RBMS3: variants seen among roughly 807,000 people sequenced by gnomAD.
RBMS3 encodes RNA binding motif single stranded interacting protein 3, also known as RNA-binding motif, single-stranded-interacting protein 3.
RBMS3 carries 27 observed loss-of-function variants against 66.8 expected under a neutral mutation model. The observed-to-expected ratio is 0.40, with a 90% CI of 0.30 to 0.56. RBMS3 has a LOEUF of 0.56. Among genes scored for constraint, RBMS3 ranks in the 20% least tolerant of loss-of-function variants. The pLI is 0.40. For missense variants in RBMS3, 513 were observed against 549.5 expected, an observed-to-expected ratio of 0.93 and a Z score of 0.66; for synonymous variants, 188 against 183.0, an observed-to-expected ratio of 1.03 and a Z score of -0.22.
intron 2 of RBMS3, among the ~76,000 whole-genome samples, chr3:29,464,334 G>C (rs1275310376): frequency 1.3e-5 from 2 of 152,078 alleles, no homozygotes; most frequent in Admixed American, 6.6e-5. Context: ...CCGACTGCAG[G>C]GTGTTTAGTT....
chr3:29,599,605 A>G (rs1313438901), intron 4 of RBMS3, among the ~76,000 whole-genome samples: 1 of 152,086 alleles, frequency 6.6e-6, no homozygotes, highest in East Asian at 1.9e-4. Flanking sequence ...ATCAACATGA[A>G]AAGACACACG....
At chr3:29,569,278 A>T (rs970432357) in intron 3 of RBMS3, among the ~76,000 whole-genome samples, 6 of 152,118 alleles carry the variant, frequency 3.9e-5, no homozygotes, top group Admixed American at 2.0e-4. Context: ...TGTTTTCCTT[A>T]TACAATTAGG....
chr3:29,637,403 G>A (rs1440507), intron 4 of RBMS3, among the ~76,000 whole-genome samples: 11,924 of 151,704 alleles, frequency 0.079, 826 homozygotes, highest in East Asian at 0.35. Flanking sequence ...TTGGTTAAAG[G>A]GAAATGAAAG....
At chr3:29,800,604 C>T (rs1450264812) in intron 6 of RBMS3, among the ~76,000 whole-genome samples, 1 of 152,126 alleles carries the variant, frequency 6.6e-6, no homozygotes, top group Non-Finnish European at 1.5e-5. Flanking sequence ...TATGCTATTA[C>T]ACATATTTTT....
intron 4 of RBMS3, among the ~76,000 whole-genome samples, chr3:29,618,232 A>T (rs1457651): frequency 0.3 from 45,962 of 152,034 alleles, 7,724 homozygotes; most frequent in African/African-American, 0.45. Context: ...CAATGGCTCA[A>T]GCCTGTAATC....
intron 4 of RBMS3, among the ~76,000 whole-genome samples, chr3:29,726,834 T>G (rs897074435): frequency 1.3e-5 from 2 of 152,196 alleles, no homozygotes; most frequent in Non-Finnish European, 2.9e-5. Flanking sequence ...AAGCTACGAT[T>G]GACTTTCTTT....
intron 1 of RBMS3, among the ~76,000 whole-genome samples, chr3:29,287,635 G>A (rs368171935): frequency 1.1e-4 from 17 of 151,982 alleles, no homozygotes; most frequent in Admixed American, 5.2e-4. Context: ...AGATGTTATC[G>A]TAAAGAGGTG....
chr3:29,282,810 G>C (rs1013045316), intron 1 of RBMS3, among the ~76,000 whole-genome samples: 1 of 152,242 alleles, frequency 6.6e-6, no homozygotes, highest in South Asian at 2.1e-4. Flanking sequence ...GATGTGATTA[G>C]GGTTAGGTAA....
intron 4 of RBMS3, among the ~76,000 whole-genome samples, chr3:29,631,525 A>G (rs950867823): frequency 1.3e-5 from 2 of 151,872 alleles, no homozygotes; most frequent in Non-Finnish European, 2.9e-5. Context: ...TTATTTTTCA[A>G]TAGTTTTAGA....
intron 1 of RBMS3, among the ~76,000 whole-genome samples, chr3:29,402,462 T>C (rs2039851938): frequency 6.6e-6 from 1 of 151,896 alleles, no homozygotes; most frequent in Non-Finnish European, 1.5e-5. Flanking sequence ...AGCAGTGATG[T>C]AGGTTTTTAC....
At chr3:29,434,604 T>G in intron 1 of RBMS3, 139 bp from the exon 2 acceptor site, 2 of 1,165,924 alleles carry the variant, frequency 1.7e-6, no homozygotes, top group Non-Finnish European at 1.2e-6. Flanking sequence ...CAACAGAGAG[T>G]AGTGATATAA....
chr3:29,887,220 A>G (rs1559769744), intron 8 of RBMS3, among the ~76,000 whole-genome samples: 2 of 151,918 alleles, frequency 1.3e-5, no homozygotes, highest in East Asian at 3.9e-4. Context: ...AGAGAGAAAC[A>G]AAAGTGACCC....
chr3:29,839,117 C>A (rs897909612), intron 6 of RBMS3, among the ~76,000 whole-genome samples: 3 of 151,980 alleles, frequency 2.0e-5, no homozygotes, highest in Admixed American at 1.3e-4. Flanking sequence ...CAAGGTAGCG[C>A]CAGTCTTCAT....
intron 6 of RBMS3, among the ~76,000 whole-genome samples, chr3:29,773,197 C>G (rs975728470): frequency 2.0e-5 from 3 of 151,954 alleles, no homozygotes; most frequent in Non-Finnish European, 4.4e-5. Context: ...TGCTCACACC[C>G]CTACTCATTG....
chr3:29,711,346 T>C (rs988367565), intron 4 of RBMS3, among the ~76,000 whole-genome samples: 1 of 152,118 alleles, frequency 6.6e-6, no homozygotes, highest in African/African-American at 2.4e-5. Flanking sequence ...CTTAGACTGT[T>C]CCTGGAAATG....
chr3:29,940,944 C>G (rs1308989743), intron 11 of RBMS3, among the ~76,000 whole-genome samples: 1 of 151,820 alleles, frequency 6.6e-6, no homozygotes, highest in East Asian at 1.9e-4. Flanking sequence ...TAGCAGAAAC[C>G]ACTGGAGATT....
chr3:29,421,468 C>G (rs72853312), intron 1 of RBMS3, among the ~76,000 whole-genome samples: 1 of 151,966 alleles, frequency 6.6e-6, no homozygotes. Flanking sequence ...TAGTTTATTT[C>G]TTGTATATAA....
chr3:29,440,651 G>T (rs1310885761), intron 2 of RBMS3, among the ~76,000 whole-genome samples: 1 of 152,160 alleles, frequency 6.6e-6, no homozygotes, highest in Non-Finnish European at 1.5e-5. Context: ...AAAGCCAGAG[G>T]AACGAAATAG....
chr3:29,574,007 A>C (rs774404135), intron 3 of RBMS3, among the ~76,000 whole-genome samples: 3 of 152,224 alleles, frequency 2.0e-5, no homozygotes, highest in African/African-American at 4.8e-5. Context: ...AATGATCCAC[A>C]TGATGAGGAG....
Sources: allele counts gnomAD v4.1 joint callset (sites outside exome capture counted in the v4.1 genomes callset), GRCh38; gene constraint gnomAD v4.1.1; transcripts MANE v1.5; gene names NCBI Gene and HGNC (gene_info 2026-07-23, HGNC 2026-07-21).